Variants in TNR observed in about 807,000 individuals in gnomAD.
The protein encoded by TNR is tenascin-R.
A neutral mutation model predicts 150.4 loss-of-function variants in TNR; 45 were observed. The observed-to-expected ratio is 0.30, with a 90% CI of 0.24 to 0.38. TNR has a LOEUF of 0.38. Ranked by LOEUF, TNR falls within the 10% of genes least tolerant of loss-of-function variation. TNR has a pLI of 1.00. For missense variants in TNR, 1,544 were observed against 1,759.1 expected (o/e 0.88, Z 2.19); for synonymous variants, 687 against 678.4 (o/e 1.01, Z -0.20).
intron 2 of TNR, among the ~76,000 whole-genome samples, chr1:175,507,319 C>G (rs1426294298): frequency 6.6e-6 from 1 of 152,198 alleles, no homozygotes; most frequent in Non-Finnish European, 1.5e-5. Context: ...TATTAATTCA[C>G]TTGCAGGCTC....
In TNR at chr1:175,526,156, G is replaced by A. The variant is rs143427305; in HGVS notation, c.-64+2113C>T. Among the ~76,000 whole-genome samples, 147 of 152,308 alleles carry A rather than the reference G, an allele frequency of 9.7e-4. 1 individual carries two copies. The East Asian group carries it at 0.022, about 23-fold the overall frequency. On this transcript the variant is annotated intron_variant, in intron 2 of 22. Coordinates refer to ENST00000367674, the MANE Select transcript of TNR (RefSeq NM_003285.3). ...AGTGAACCCACCCATAAGAGTTACA[G>A]AGGGTGCTGAACATATTCATAAAGT...
intron 7 of TNR, 30 bp downstream of exon 7, chr1:175,391,258 G>A (rs1178883606): frequency 6.2e-7 from 1 of 1,610,420 alleles, no homozygotes; most frequent in South Asian, 1.1e-5. Flanking sequence ...CTAGTAGGCA[G>A]CTCTAGGGAG....
At chr1:175,499,751 G>A (rs1658649672) in intron 2 of TNR, among the ~76,000 whole-genome samples, 1 of 152,122 alleles carries the variant, frequency 6.6e-6, no homozygotes, top group South Asian at 2.1e-4. Context: ...AGTCCTTCTG[G>A]AGTGGGTTAG....
chr1:175,556,624 CT>C (rs1281773125), intron 1 of TNR: 1 of 152,858 alleles, frequency 6.5e-6, no homozygotes, highest in African/African-American at 2.4e-5. Context: ...GTTGTTTAGC[CT>C]CTCAGCCTCC....
At chr1:175,328,401 G>T (rs1571292658) in intron 21 of TNR, among the ~76,000 whole-genome samples, 1 of 152,330 alleles carries the variant, frequency 6.6e-6, no homozygotes, top group South Asian at 2.1e-4. Context: ...TGGATCGGAG[G>T]CCCTGGAGAT....
intron 1 of TNR, among the ~76,000 whole-genome samples, chr1:175,713,371 G>A (rs143840661): frequency 1.4e-3 from 209 of 152,184 alleles, no homozygotes; most frequent in African/African-American, 4.7e-3. Context: ...CATTTATCGG[G>A]CATACTTGCA....
At chr1:175,474,181 TGGG>T (rs1657421787) in intron 2 of TNR, among the ~76,000 whole-genome samples, 3 of 152,184 alleles carry the variant, frequency 2.0e-5, no homozygotes, top group Admixed American at 1.3e-4. Flanking sequence ...ACACCAGTTA[TGGG>T]CTAAATTGTG....
chr1:175,478,296 GT>G (rs1657637493), intron 2 of TNR, among the ~76,000 whole-genome samples: 1 of 152,168 alleles, frequency 6.6e-6, no homozygotes, highest in African/African-American at 2.4e-5. Flanking sequence ...AGCAACATTA[GT>G]ATGGGAGGAA....
At chr1:175,681,186 C>T (rs540770182) in intron 1 of TNR, among the ~76,000 whole-genome samples, 1 of 152,288 alleles carries the variant, frequency 6.6e-6, no homozygotes. Flanking sequence ...TTTTAGTAGG[C>T]ATGCTTTTCA....
At chr1:175,652,896 A>G (rs1203115080) in intron 1 of TNR, among the ~76,000 whole-genome samples, 1 of 152,254 alleles carries the variant, frequency 6.6e-6, no homozygotes, top group Non-Finnish European at 1.5e-5. Context: ...ATTCACAGCA[A>G]GGGAAAGCAA....
At chr1:175,477,497 G>T (rs1215924846) in intron 2 of TNR, among the ~76,000 whole-genome samples, 1 of 152,148 alleles carries the variant, frequency 6.6e-6, no homozygotes, top group Non-Finnish European at 1.5e-5. Context: ...TTGTCTGTTT[G>T]TATTGTTTGT....
chr1:175,480,052 G>A (rs1657715212), intron 2 of TNR, among the ~76,000 whole-genome samples: 1 of 151,972 alleles, frequency 6.6e-6, no homozygotes, highest in South Asian at 2.1e-4. Context: ...AATGACCACA[G>A]GGACTTGTCT....
At position 175,569,407 on chromosome 1, in the gene TNR, T is replaced by C. The variant is rs543775836; in HGVS notation, c.-164-41038A>G. Among the ~76,000 whole-genome samples, 3 of 152,262 alleles carry C rather than the reference T, an allele frequency of 2.0e-5. No homozygotes were observed. In the South Asian group the frequency reaches 6.2e-4, roughly 32 times the overall value. On this transcript the variant is annotated intron_variant, in intron 1 of 22. Coordinates refer to ENST00000367674, the MANE Select transcript of TNR (RefSeq NM_003285.3). ...GAACCAAAGATTCAATCCCCAAATA[T>C]TTACTAAGGTCAACTATTGTTCCTA...
At chr1:175,652,309 T>TA (rs1292583821) in intron 1 of TNR, among the ~76,000 whole-genome samples, 1 of 151,884 alleles carries the variant, frequency 6.6e-6, no homozygotes, top group Non-Finnish European at 1.5e-5. Flanking sequence ...GAAAACTTAA[T>TA]AGTTTCAACT....
At chr1:175,675,859 G>C (rs1299334032) in intron 1 of TNR, among the ~76,000 whole-genome samples, 2 of 152,098 alleles carry the variant, frequency 1.3e-5, no homozygotes, top group South Asian at 2.1e-4. Flanking sequence ...AGGACGCTGG[G>C]CTGGTGTTCT....
intron 2 of TNR, among the ~76,000 whole-genome samples, chr1:175,526,465 T>G (rs1659850817): frequency 6.6e-6 from 1 of 152,136 alleles, no homozygotes. Flanking sequence ...CCTTTAGAGA[T>G]GAAGGGCACC....
intron 1 of TNR, among the ~76,000 whole-genome samples, chr1:175,569,416 G>T (rs572326553): frequency 6.6e-6 from 1 of 152,144 alleles, no homozygotes; most frequent in Non-Finnish European, 1.5e-5. Context: ...ATTTACTAAG[G>T]TCAACTATTG....
At chr1:175,671,911 C>CTGTGTG (rs35804880) in intron 1 of TNR, among the ~76,000 whole-genome samples, 2,028 of 142,106 alleles carry the variant, frequency 0.014, 43 homozygotes, top group African/African-American at 0.05. Flanking sequence ...TGAGCTGTAC[C>CTGTGTG]TGTGTGTGTG....
At chr1:175,557,410 T>G (rs1661207218) in intron 1 of TNR, among the ~76,000 whole-genome samples, 1 of 152,174 alleles carries the variant, frequency 6.6e-6, no homozygotes, top group African/African-American at 2.4e-5. Flanking sequence ...GGCTATTCAG[T>G]TTCAAAGACT....
Sources: allele counts gnomAD v4.1 joint callset (sites outside exome capture counted in the v4.1 genomes callset), GRCh38; gene constraint gnomAD v4.1.1; transcripts MANE v1.5; gene names NCBI Gene and HGNC (gene_info 2026-07-23, HGNC 2026-07-21).